The following SBNO2 variants were observed in gnomAD, a reference collection of about 807,000 sequenced individuals.
SBNO2 encodes strawberry notch homolog 2, also known as protein strawberry notch homolog 2.
In SBNO2, 89 loss-of-function variants were observed where a neutral mutation model predicts 146.3. That is an observed-to-expected ratio of 0.61 (90% CI 0.51 to 0.73). SBNO2 has a LOEUF of 0.73. SBNO2 is among the 30% of genes least tolerant of loss of function. The pLI is 0.00. For synonymous variants in SBNO2, 1,147 were observed against 892.6 expected (o/e 1.29, Z -5.08); for missense variants, 2,092 against 2,003.7 (o/e 1.04, Z -0.84).
intron 11 of SBNO2, among the ~76,000 whole-genome samples, chr19:1,121,921 T>C (rs1356959778): frequency 6.6e-6 from 1 of 152,150 alleles, no homozygotes; most frequent in Non-Finnish European, 1.5e-5. Flanking sequence ...TCCGGAGTCC[T>C]AAACCCTGAG....
At chr19:1,170,359 C>T (rs762641485) in intron 1 of SBNO2, among the ~76,000 whole-genome samples, 1 of 152,150 alleles carries the variant, frequency 6.6e-6, no homozygotes, top group African/African-American at 2.4e-5. Flanking sequence ...CGTCCCAGCC[C>T]GAGGGTGCAG....
intron 1 of SBNO2, among the ~76,000 whole-genome samples, chr19:1,167,087 G>C (rs1014229018): frequency 6.6e-6 from 1 of 152,270 alleles, no homozygotes; most frequent in African/African-American, 2.4e-5. Flanking sequence ...TTCTGGCTTC[G>C]GGCTGGGCTT....
intron 2 of SBNO2, among the ~76,000 whole-genome samples, chr19:1,153,735 A>G (rs2145314062): frequency 6.6e-6 from 1 of 152,140 alleles, no homozygotes; most frequent in Middle Eastern, 3.4e-3. Context: ...GCGAGGTTTC[A>G]CTATGTTGGC....
intron 1 of SBNO2, among the ~76,000 whole-genome samples, chr19:1,161,400 G>A (rs1368808850): frequency 5.2e-5 from 4 of 76,944 alleles, no homozygotes; most frequent in African/African-American, 2.3e-4. Flanking sequence ...CCTGAGTACT[G>A]GGTACTGGGG....
intron 1 of SBNO2, among the ~76,000 whole-genome samples, chr19:1,165,692 TCTCAGAC>T (rs200450846): frequency 0.016 from 547 of 34,768 alleles, 4 homozygotes; most frequent in East Asian, 0.031. Context: ...AGACCCCAGA[TCTCAGAC>T]CCCAGACCCC....
At chr19:1,145,783 A>C (rs2080184302) in intron 4 of SBNO2, among the ~76,000 whole-genome samples, 1 of 152,064 alleles carries the variant, frequency 6.6e-6, no homozygotes, top group Admixed American at 6.6e-5. Context: ...GGACCAGATC[A>C]CATGGGGGTC....
At chr19:1,142,540 C>T (rs1240286197) in intron 4 of SBNO2, among the ~76,000 whole-genome samples, 3 of 151,968 alleles carry the variant, frequency 2.0e-5, no homozygotes, top group East Asian at 1.9e-4. Flanking sequence ...ATTAGCCAGG[C>T]GTGGTGGCGC....
At chr19:1,149,550 AG>A in intron 2 of SBNO2, 108 bp from the exon 3 acceptor site, 1 of 1,021,880 alleles carries the variant, frequency 9.8e-7, no homozygotes, top group Non-Finnish European at 1.5e-6. Flanking sequence ...GAGGCCCCGC[AG>A]TCAGGGTCCC....
At chr19:1,122,362 G>A in intron 10 of SBNO2, 80 bp from the exon 11 acceptor site, 1 of 1,513,986 alleles carries the variant, frequency 6.6e-7, no homozygotes, top group Non-Finnish European at 8.9e-7. Flanking sequence ...CTGTAAGGGT[G>A]CTGGGCAGAG....
In SBNO2 at chr19:1,111,801, A is replaced by AT. The variant is rs1232589478; in HGVS notation, c.2701-188_2701-187insA. Among the ~76,000 whole-genome samples, 3 of 91,310 alleles carry AT rather than the reference A, an allele frequency of 3.3e-5. No individual in the cohort carries two copies. The East Asian group carries it at 9.4e-4, about 29-fold the overall frequency. The allele number at this position is 91,310 out of a possible 152,430, so 59.9% of individuals were successfully genotyped here. ...GGGGTCCTAGACTGGGTCCTCCCCC[A>AT]GACCCCTGGATGCCACCTCCCTGAG... On this transcript the variant is annotated intron_variant, in intron 23 of 31. Transcript: ENST00000361757.
chr19:1,157,111 C>T lies in SBNO2; in HGVS notation c.-126-2709G>A, dbSNP rs568349488. Among the ~76,000 whole-genome samples the T allele has an allele frequency of 1.3e-4, 20 of 152,114 alleles. No homozygotes were observed. The highest frequency in any genetic ancestry group is 5.9e-5 in the Non-Finnish European group (4 of 67,958). On this transcript the variant is annotated intron_variant, in intron 1 of 31. Transcript: ENST00000361757. This position sits in a 1 kb window ranked among gnomAD's most constrained non-coding sequence, Gnocchi z 6.8. ...CAGCCCCTAGCCCTGCCTGCAGACTCGGTCCTGTCCGAGGGCCCACGCCCC... is the reference window on the plus strand; with the variant it reads ...CAGCCCCTAGCCCTGCCTGCAGACTTGGTCCTGTCCGAGGGCCCACGCCCC...
Position 1,108,126 on chromosome 19 carries a change from G to C in SBNO2, c.*94C>G, listed in dbSNP as rs964590419. On this transcript the variant is annotated 3_prime_UTR_variant, in exon 32 of 32. Coordinates refer to ENST00000361757, the MANE Select transcript of SBNO2 (RefSeq NM_014963.3). ...CGGCCAGGGCCTAGGGCTCCTCTGA[G>C]CAGTGGTCAGGGGACCTTGGCCCTG... 2.3e-6 allele frequency: 3 copies of C among 1,315,190 alleles called. No homozygotes were observed. Among genetic ancestry groups the C allele is most frequent in the Non-Finnish European group, 2.0e-6 (2 of 1,000,722 alleles). The allele number at this position is 1,315,190 out of a possible 1,614,324, so 81.5% of individuals were successfully genotyped here. A position where few individuals can be genotyped will look rare whatever the true frequency, so the allele number is the denominator to read the frequency against.
In SBNO2 at chr19:1,120,010, T is replaced by G. The variant is rs1265788984; in HGVS notation, c.1163A>C (p.Glu388Ala). ...GCCGGCATTCTTGGCTTTGTGACAC[T>G]CGTCGAACACGATCTGAGGCACACG... ...EAFEGVIVFD[E>A]CHKAKNAGST... The change falls in exon 12 of 32, where the codon GAG becomes GCG. Residue 388 changes from glutamate (E) to alanine (A), a missense_variant. Physicochemically the swap from Glu to Ala is moderately radical, Grantham distance 107. Transcript: ENST00000361757. 6.4e-7 allele frequency: 1 copy of G among 1,551,178 alleles called. No homozygotes were observed. The highest frequency in any genetic ancestry group is 8.7e-7 in the Non-Finnish European group (1 of 1,147,072).
rs1382895986 is a variant in SBNO2 at position 1,117,388 on chromosome 19, G to A, written c.1639C>T (p.Leu547=). The A allele has an allele frequency of 2.5e-6, 4 of 1,589,132 alleles. No individual in the cohort carries two copies. The highest frequency in any genetic ancestry group is 2.3e-5 in the East Asian group (1 of 43,448). ...CGGCGCACCTTGGCTGCGATGCACA[G>A]ATACTTGAAGAAGCGCTGGTGTGCC... ...WSAHQRFFKY[L]CIAAKVRRLV... is the part of the protein sequence containing the mutation. The change falls in exon 15 of 32, where the codon CTG becomes TTG. Residue 547 remains leucine, a synonymous_variant. Coordinates refer to ENST00000361757, the MANE Select transcript of SBNO2 (RefSeq NM_014963.3).
At position 1,119,569 on chromosome 19, in the gene SBNO2, G is replaced by A. The variant is rs746292695; in HGVS notation, c.1320C>T (p.Gly440=). 25 of 1,611,582 alleles carry A rather than the reference G, an allele frequency of 1.6e-5. No individual in the cohort carries two copies. Among genetic ancestry groups the A allele is most frequent in the Admixed American group, 6.7e-5 (4 of 59,868 alleles). ...MIYMSRLGIW[G]EGTPFRNFEE... Reference sequence around the variant, plus strand: ...CAAAGTTCCGGAAGGGTGTGCCCTCGCCCCAGATACCCAAGCGGCTCATGT... The same window carrying A: ...CAAAGTTCCGGAAGGGTGTGCCCTCACCCCAGATACCCAAGCGGCTCATGT... The change falls in exon 13 of 32, where the codon GGC becomes GGT. Residue 440 remains glycine (G), a synonymous_variant. Transcript: ENST00000361757.
chr19:1,134,954 G>A (rs904203581), intron 4 of SBNO2, among the ~76,000 whole-genome samples: 1 of 149,286 alleles, frequency 6.7e-6, no homozygotes, highest in East Asian at 2.0e-4. Context: ...GCTGAGGCAG[G>A]AGAATTGCTT....
chr19:1,108,479 G>C lies in SBNO2; in HGVS notation c.3842C>G (p.Ser1281Cys). The part of the protein sequence containing the change: ...PPHFSFPAPL[S>C]LDAGPGVVPL... ...CACGACGCCGGGGCCGGCGTCCAGG[G>C]ACAGCGGCGCCGGGAAAGAGAAGTG... Residue 1281 changes from serine (S) to cysteine (C), a missense_variant, in exon 32 of 32, where the codon TCC becomes TGC. Ser to Cys is a moderately radical substitution (Grantham distance 112). Transcript: ENST00000361757. The C allele has an allele frequency of 8.2e-7, 1 of 1,222,380 alleles. No homozygotes were observed. Among genetic ancestry groups the C allele is most frequent in the Non-Finnish European group, 1.0e-6 (1 of 977,868 alleles). 75.7% of individuals were successfully genotyped at this position (1,222,380 alleles called of 1,614,324 possible).
chr19:1,156,145 C>T (rs1027022297), intron 1 of SBNO2, among the ~76,000 whole-genome samples: 2 of 152,108 alleles, frequency 1.3e-5, no homozygotes, highest in Admixed American at 6.5e-5. Context: ...GCCCTGAGCT[C>T]GCCTGTGTCC....
At chr19:1,168,354 C>A (rs1302452945) in intron 1 of SBNO2, among the ~76,000 whole-genome samples, 1 of 152,202 alleles carries the variant, frequency 6.6e-6, no homozygotes, top group Non-Finnish European at 1.5e-5. Context: ...CCGGGCAACA[C>A]CGACAGCCAT....
Sources: allele counts gnomAD v4.1 joint callset (sites outside exome capture counted in the v4.1 genomes callset), GRCh38; gene constraint gnomAD v4.1.1; non-coding constraint Gnocchi (gnomAD v3.1); transcripts MANE v1.5; gene names NCBI Gene and HGNC (gene_info 2026-07-23, HGNC 2026-07-21).